PGAM1: variants seen among roughly 807,000 people sequenced by gnomAD.
PGAM1 encodes the protein phosphoglycerate mutase 1.
In PGAM1, 21 loss-of-function variants were observed where a neutral mutation model predicts 23.5. The ratio of observed to expected loss-of-function variants is 0.89; its 90% CI spans 0.63 to 1.29. The LOEUF (loss-of-function observed/expected upper bound fraction) is 1.29, where lower values mean the gene tolerates loss of function less well. PGAM1 is among the 50% of genes most tolerant of loss of function. The probability of loss-of-function intolerance (pLI) is 0.00; values close to 1 mark genes in which losing one functional copy is unlikely to be tolerated. For synonymous variants in PGAM1, 109 were observed against 128.6 expected, an observed-to-expected ratio of 0.85 and a Z score of 1.03; for missense variants, 232 against 336.3, an observed-to-expected ratio of 0.69 and a Z score of 2.42.
intron 1 of PGAM1, among the ~76,000 whole-genome samples, chr10:97,429,092 C>T (rs1313517125): frequency 1.2e-5 from 1 of 84,752 alleles, no homozygotes; most frequent in African/African-American, 5.5e-5. Flanking sequence ...AGACTGATTC[C>T]TTTTTTTTTT....
chr10:97,430,398 C>T lies in PGAM1; in HGVS notation c.159C>T (p.Asp53=), dbSNP rs1157855790. The T allele has an allele frequency of 3.7e-6, 6 of 1,611,654 alleles. No individual in the cohort carries two copies. Among genetic ancestry groups the T allele is most frequent in the African/African-American group, 1.3e-5 (1 of 74,860 alleles). Residue 53 remains aspartate, a synonymous_variant, in exon 2 of 4, where the codon GAC becomes GAT. Transcript: ENST00000334828. ...TTCCAGATGCTGGCTATGAGTTTGA[C>T]ATCTGCTTCACCTCAGTGCAGAAGA... The part of the protein sequence containing the change: ...QALRDAGYEF[D]ICFTSVQKRA...
intron 1 of PGAM1, among the ~76,000 whole-genome samples, chr10:97,428,865 C>T: frequency 6.6e-6 from 1 of 152,108 alleles, no homozygotes; most frequent in East Asian, 1.9e-4. Context: ...GCCTCATTCT[C>T]ATTTGAATGA....
intron 3 of PGAM1, 59 bp downstream of exon 3, chr10:97,431,194 CAG>C: frequency 6.3e-7 from 1 of 1,599,488 alleles, no homozygotes; most frequent in Non-Finnish European, 8.6e-7. Context: ...TGCCACAAAT[CAG>C]GGACTTGGTA....
At chr10:97,432,229 A>G (rs1845478127) in intron 3 of PGAM1, 126 bp from the exon 4 acceptor site, 5 of 1,300,974 alleles carry the variant, frequency 3.8e-6, no homozygotes, top group Non-Finnish European at 5.5e-6. Flanking sequence ...GAACTACTAT[A>G]AAGATCAGAA....
intron 1 of PGAM1, chr10:97,427,246 T>G: frequency 1.0e-6 from 1 of 985,198 alleles, no homozygotes; most frequent in Non-Finnish European, 1.2e-6. Context: ...CACAGCCTCG[T>G]CCCCAGCAGT....
At position 97,426,275 on chromosome 10, in the gene PGAM1, T is replaced by C. The variant is rs753508907; in HGVS notation, c.-33T>C. 3 of 1,609,702 alleles carry C rather than the reference T, an allele frequency of 1.9e-6. No individual in the cohort carries two copies. The African/African-American group carries it at 4.0e-5, about 22-fold the overall frequency. On this transcript the variant is annotated 5_prime_UTR_variant, in exon 1 of 4. Coordinates refer to ENST00000334828, the MANE Select transcript of PGAM1 (RefSeq NM_002629.4). ...GGGCTGCTACTCCGGAATCTGCTAA[T>C]CCCAGTCGGTGCCGCATCCCCAGCC...
chr10:97,426,799 C>T (rs962214540), intron 1 of PGAM1, among the ~76,000 whole-genome samples: 1 of 151,902 alleles, frequency 6.6e-6, no homozygotes, highest in African/African-American at 2.4e-5. Context: ...GTGGGGAGGC[C>T]GAGGCGGGTG....
Position 97,433,410 on chromosome 10 carries a change from A to T in PGAM1, c.*886A>T, listed in dbSNP as rs185189576. The T allele has an allele frequency of 1.3e-5, 2 of 152,552 alleles. No individual in the cohort carries two copies. Among genetic ancestry groups the T allele is most frequent in the Admixed American group, 6.6e-5 (1 of 15,264 alleles). The allele number at this position is 152,552 out of a possible 1,614,324, so 9.4% of individuals were successfully genotyped here. A position where few individuals can be genotyped will look rare whatever the true frequency, so the allele number is the denominator to read the frequency against. ...CATAACTGTACTAAATCCTTTTTCC[A>T]TATCAGTATAATAAAGGAGTGATGT... On this transcript the variant is annotated 3_prime_UTR_variant, in exon 4 of 4. Transcript: ENST00000334828.
chr10:97,426,548 C>T, intron 1 of PGAM1, 102 bp downstream of exon 1: 2 of 1,375,400 alleles, frequency 1.5e-6, no homozygotes, highest in East Asian at 2.6e-5. Flanking sequence ...GCACCTTGGG[C>T]AGCATCTCTC....
At position 97,432,421 on chromosome 10, in the gene PGAM1, A is replaced by G. The variant is rs1356733537; in HGVS notation, c.662A>G (p.Asp221Gly). 2 of 1,611,716 alleles carry G rather than the reference A, an allele frequency of 1.2e-6. No individual in the cohort carries two copies. The highest frequency in any genetic ancestry group is 2.7e-5 in the African/African-American group (2 of 74,898). ...PTGIPIVYEL[D>G]KNLKPIKPMQ... ...GGTATTCCCATTGTCTATGAATTGG[A>G]CAAGAACTTGAAGCCTATCAAGCCC... is the stretch of plus-strand genomic sequence containing the variant. The change falls in exon 4 of 4, where the codon GAC becomes GGC. Residue 221 changes from aspartate (D) to glycine (G), a missense_variant. Physicochemically the swap from Asp to Gly is moderately conservative, Grantham distance 94 (BLOSUM62 -1). Coordinates refer to ENST00000334828, the MANE Select transcript of PGAM1 (RefSeq NM_002629.4).
chr10:97,427,955 G>A, intron 1 of PGAM1: 2 of 1,271,484 alleles, frequency 1.6e-6, no homozygotes, highest in African/African-American at 1.5e-5. Context: ...GCGGGGTGGG[G>A]TGGGCAGGGG....
At chr10:97,426,485 G>A (rs978464069) in intron 1 of PGAM1, 39 bp downstream of exon 1, 7 of 1,529,460 alleles carry the variant, frequency 4.6e-6, no homozygotes, top group African/African-American at 1.4e-5. Context: ...AGGGCCGGGT[G>A]TCCGGCCTCG....
intron 1 of PGAM1, chr10:97,427,386 G>A (rs1845422410): frequency 2.0e-6 from 2 of 1,004,988 alleles, no homozygotes; most frequent in Non-Finnish European, 1.2e-6. Context: ...TGTAACTTGA[G>A]TGAATGAATG....
intron 1 of PGAM1, chr10:97,427,447 T>C (rs1845422898): frequency 9.8e-7 from 1 of 1,023,922 alleles, no homozygotes; most frequent in African/African-American, 1.7e-5. Flanking sequence ...GATTTTATCT[T>C]TCTCATCTTT....
At chr10:97,431,933 T>G (rs1374490975) in intron 3 of PGAM1, among the ~76,000 whole-genome samples, 1 of 151,586 alleles carries the variant, frequency 6.6e-6, no homozygotes, top group Non-Finnish European at 1.5e-5. Context: ...AAGAAAAAAT[T>G]CTCCTTAGTC....
At chr10:97,432,269 T>G (rs1034081913) in intron 3 of PGAM1, 86 bp from the exon 4 acceptor site, 4 of 1,567,082 alleles carry the variant, frequency 2.6e-6, no homozygotes, top group Non-Finnish European at 3.5e-6. Flanking sequence ...TCTGTCAAAG[T>G]CCTTTATCAC....
At position 97,433,218 on chromosome 10, in the gene PGAM1, A is replaced by G. The variant is rs1370812895; in HGVS notation, c.*694A>G. ...ATACCAATATAGGATCAGCTCCTTG[A>G]CCTCTGAGGGGCAGGAGTGCTTCCT... On this transcript the variant is annotated 3_prime_UTR_variant, in exon 4 of 4. Transcript: ENST00000334828. 1 of 150,878 alleles carries G rather than the reference A, an allele frequency of 6.6e-6. No individual in the cohort carries two copies. The highest frequency in any genetic ancestry group is 1.5e-5 in the Non-Finnish European group (1 of 67,796). The allele number at this position is 150,878 out of a possible 1,614,324, so 9.3% of individuals were successfully genotyped here.
chr10:97,433,292 G>A lies in PGAM1; in HGVS notation c.*768G>A, dbSNP rs1845491977. The stretch of plus-strand genomic sequence containing the variant: ...CTGCCTTGTTTCATGGCAGTGAAAT[G>A]CCTCTTGGTCCTGTCCAAGTGTATC... On this transcript the variant is annotated 3_prime_UTR_variant, in exon 4 of 4. Coordinates refer to ENST00000334828, the MANE Select transcript of PGAM1 (RefSeq NM_002629.4). 6.6e-6 allele frequency: 1 copy of A among 151,296 alleles called. No homozygotes were observed. The highest frequency in any genetic ancestry group is 2.4e-5 in the African/African-American group (1 of 40,948). 9.4% of individuals were successfully genotyped at this position (151,296 alleles called of 1,614,324 possible).
intron 2 of PGAM1, 120 bp from the exon 3 acceptor site, chr10:97,430,835 T>TTCCATAG: frequency 6.6e-7 from 1 of 1,504,526 alleles, no homozygotes; most frequent in Non-Finnish European, 9.2e-7. Flanking sequence ...TTTTTTGTGT[T>TTCCATAG]TCCATAGTCA....
Sources: gnomAD v4.1 joint callset for allele counts (sites outside exome capture counted in the v4.1 genomes callset) on GRCh38, gnomAD v4.1.1 for gene constraint, MANE v1.5 for transcripts, NCBI Gene and HGNC (gene_info 2026-07-23, HGNC 2026-07-21) for gene names.